Variants in SCML4 observed in about 807,000 individuals in gnomAD.
The protein encoded by SCML4 is Scm polycomb group protein like 4, also known as sex comb on midleg-like protein 4.
SCML4 carries 34 observed loss-of-function variants against 41.1 expected under a neutral mutation model. The observed-to-expected ratio is 0.83, with a 90% CI of 0.63 to 1.10. The LOEUF is 1.10. SCML4 is among the 50% of genes least tolerant of loss of function. SCML4 has a pLI of 0.00. For missense variants in SCML4, 522 were observed against 534.1 expected, an observed-to-expected ratio of 0.98 and a Z score of 0.22; for synonymous variants, 214 against 220.9, an observed-to-expected ratio of 0.97 and a Z score of 0.28.
At chr6:107,705,865 T>C (rs1773565357) in intron 7 of SCML4, among the ~76,000 whole-genome samples, 1 of 152,166 alleles carries the variant, frequency 6.6e-6, no homozygotes, top group Admixed American at 6.5e-5. Flanking sequence ...CCCTGCTTCA[T>C]CTCAGGGTTC....
intron 6 of SCML4, among the ~76,000 whole-genome samples, chr6:107,715,947 T>C (rs1057416772): frequency 9.3e-5 from 14 of 150,826 alleles, no homozygotes; most frequent in Non-Finnish European, 1.5e-4. Context: ...TAACTGCTTT[T>C]TACTTGGGAT....
At chr6:107,830,138 G>A in the SCML4 span, among the ~76,000 whole-genome samples, 1 of 152,132 alleles carries the variant, frequency 6.6e-6, no homozygotes, top group Non-Finnish European at 1.5e-5. Flanking sequence ...GGTCCTCTCA[G>A]AGCTGATAAT....
chr6:107,706,783 CA>C lies in SCML4; in HGVS notation c.1119+1082del, dbSNP rs1211446875. Among the ~76,000 whole-genome samples, 8 of 152,222 alleles carry C rather than the reference CA, an allele frequency of 5.3e-5. No homozygotes were observed. In the South Asian group the frequency reaches 1.7e-3, roughly 32 times the overall value. On this transcript the variant is annotated intron_variant, in intron 7 of 7. Transcript: ENST00000369020. ...TGAGAACCAGGGATGGCAGCCCGAGCAGCCGAACAGGCCTCAGCTTGATGTT... is the reference window on the plus strand; with the variant it reads ...TGAGAACCAGGGATGGCAGCCCGAGCGCCGAACAGGCCTCAGCTTGATGTT...
At chr6:107,793,749 C>T (rs536695670) in intron 1 of SCML4, among the ~76,000 whole-genome samples, 1 of 152,210 alleles carries the variant, frequency 6.6e-6, no homozygotes, top group South Asian at 2.1e-4. Flanking sequence ...GAGTTTAAGA[C>T]CAGCCTGGGC....
upstream of SCML4, among the ~76,000 whole-genome samples, chr6:107,825,924 G>A (rs113509303): frequency 0.017 from 1,866 of 107,912 alleles, 52 homozygotes; most frequent in African/African-American, 0.064. Context: ...GTGACAGAGC[G>A]AGACTCCATC....
In SCML4 at chr6:107,704,679, A is replaced by G. The variant is rs928073658; in HGVS notation, c.*521T>C. ...TTTTTTCCTTTTTCTTTCACGGCGT[A>G]AAATAATTCAAGTTTTCCAGACAGT... On this transcript the variant is annotated 3_prime_UTR_variant, in exon 8 of 8. Coordinates refer to ENST00000369020, the MANE Select transcript of SCML4 (RefSeq NM_198081.5). The G allele has an allele frequency of 6.5e-6, 1 of 152,762 alleles. No individual in the cohort carries two copies. The highest frequency in any genetic ancestry group is 1.5e-5 in the Non-Finnish European group (1 of 68,652). The allele number at this position is 152,762 out of a possible 1,614,324, so 9.5% of individuals were successfully genotyped here. A position where few individuals can be genotyped will look rare whatever the true frequency, so the allele number is the denominator to read the frequency against.
chr6:107,832,356 G>C, the SCML4 span, among the ~76,000 whole-genome samples: 4 of 152,086 alleles, frequency 2.6e-5, no homozygotes, highest in Non-Finnish European at 4.4e-5. Flanking sequence ...ATCATCTTAC[G>C]CCTGGCTTCC....
intron 6 of SCML4, chr6:107,720,019 A>T: frequency 1.0e-6 from 1 of 985,482 alleles, no homozygotes; most frequent in Non-Finnish European, 1.2e-6. Flanking sequence ...TTAGTGGATG[A>T]GACAGAAGTG....
chr6:107,743,522 G>A (rs888545346), intron 5 of SCML4, among the ~76,000 whole-genome samples: 1 of 152,216 alleles, frequency 6.6e-6, no homozygotes, highest in Non-Finnish European at 1.5e-5. Flanking sequence ...ATGTTTGTGA[G>A]TCAACTAGGG....
At chr6:107,759,261 C>A (rs1480399687) in intron 2 of SCML4, among the ~76,000 whole-genome samples, 1 of 151,694 alleles carries the variant, frequency 6.6e-6, no homozygotes, top group Non-Finnish European at 1.5e-5. Flanking sequence ...GCCTGGGAGG[C>A]GGAGGTTGCA....
At chr6:107,743,983 T>A (rs1777827047) in intron 5 of SCML4, 1 of 152,224 alleles carries the variant, frequency 6.6e-6, no homozygotes, top group Non-Finnish European at 1.5e-5. Context: ...GCAGTTACTC[T>A]ACTTTCCTAA....
intron 2 of SCML4, among the ~76,000 whole-genome samples, chr6:107,767,555 G>A (rs1780163363): frequency 6.6e-6 from 1 of 152,182 alleles, no homozygotes; most frequent in African/African-American, 2.4e-5. Flanking sequence ...CCAACGTACT[G>A]AAGGATTACA....
rs1773289148 is a variant in SCML4, at chr6:107,702,812, A to G, written c.*2388T>C. 6.6e-6 allele frequency among the ~76,000 whole-genome samples: 1 copy of G among 152,232 alleles called. No homozygotes were observed. Among genetic ancestry groups the G allele is most frequent in the African/African-American group, 2.4e-5 (1 of 41,462 alleles). ...GAGGCATTTGAACCAGAGCAACTCC[A>G]TCTTGAATGGGAGCTGGGTAAAATG... On this transcript the variant is annotated 3_prime_UTR_variant, in exon 8 of 8. Transcript: ENST00000369020.
At chr6:107,720,558 T>C in intron 6 of SCML4, 145 bp downstream of exon 6, 1 of 1,422,458 alleles carries the variant, frequency 7.0e-7, no homozygotes, top group Non-Finnish European at 9.2e-7. Context: ...AACCTCAAGA[T>C]CCATGAAAGG....
chr6:107,804,646 A>G (rs1783586180), intron 1 of SCML4, among the ~76,000 whole-genome samples: 1 of 152,206 alleles, frequency 6.6e-6, no homozygotes, highest in Non-Finnish European at 1.5e-5. Context: ...AGCAGAGAAT[A>G]TTATCCAGTT....
rs556760919 is a variant in SCML4 at position 107,705,155 on chromosome 6, T to G, written c.*45A>C. ...GATATTGGTAAGGCAGAAGATAATC[T>G]TGGGATCTGTTGTTTTGGGTTTCGC... On this transcript the variant is annotated 3_prime_UTR_variant, in exon 8 of 8. Transcript: ENST00000369020. 9.3e-5 allele frequency: 142 copies of G among 1,527,134 alleles called. 1 individual carries two copies. In the South Asian group the frequency reaches 1.4e-3, roughly 15 times the overall value. The allele number at this position is 1,527,134 out of a possible 1,614,324, so 94.6% of individuals were successfully genotyped here.
At position 107,814,445 on chromosome 6, in the gene SCML4, G is replaced by A. The variant is rs953712361; in HGVS notation, c.-60+9681C>T. Among the ~76,000 whole-genome samples, 5 of 152,230 alleles carry A rather than the reference G, an allele frequency of 3.3e-5. No homozygotes were observed. In the East Asian group the frequency reaches 9.6e-4, roughly 29 times the overall value. Reference sequence around the variant, plus strand: ...TGACATGGAATGGTGATGTTTCTGGGCTGCTGTGTGGATACCCACAATGTC... The same window carrying A: ...TGACATGGAATGGTGATGTTTCTGGACTGCTGTGTGGATACCCACAATGTC... On this transcript the variant is annotated intron_variant, in intron 1 of 7. Coordinates refer to ENST00000369020, the MANE Select transcript of SCML4 (RefSeq NM_198081.5).
At chr6:107,732,791 T>A (rs1776695603) in intron 5 of SCML4, among the ~76,000 whole-genome samples, 1 of 152,188 alleles carries the variant, frequency 6.6e-6, no homozygotes, top group East Asian at 1.9e-4. Flanking sequence ...GGTCACGCTG[T>A]TTCCTCCACA....
intron 1 of SCML4, among the ~76,000 whole-genome samples, chr6:107,785,431 T>A (rs1283309392): frequency 2.0e-5 from 3 of 152,328 alleles, no homozygotes; most frequent in East Asian, 1.9e-4. Flanking sequence ...TTAGACAGGG[T>A]GAGGCAGAAA....
Sources: gnomAD v4.1 joint callset for allele counts (sites outside exome capture counted in the v4.1 genomes callset) on GRCh38, gnomAD v4.1.1 for gene constraint, MANE v1.5 for transcripts, NCBI Gene and HGNC (gene_info 2026-07-23, HGNC 2026-07-21) for gene names.